The following CCDC60 variants were observed in gnomAD, a reference collection of about 807,000 sequenced individuals.
CCDC60 encodes coiled-coil domain containing 60.
CCDC60 carries 54 observed loss-of-function variants against 63.5 expected under a neutral mutation model. The observed-to-expected ratio is 0.85, with a 90% CI of 0.68 to 1.07. CCDC60 has a LOEUF of 1.07. Ranked by LOEUF, CCDC60 falls within the 50% of genes least tolerant of loss-of-function variation. The pLI, the probability that CCDC60 is intolerant of heterozygous loss-of-function variation, is 0.00. For synonymous variants in CCDC60, 206 were observed against 238.8 expected (o/e 0.86, Z 1.27); for missense variants, 651 against 684.3 (o/e 0.95, Z 0.54).
At chr12:119,359,675 C>T (rs568354588) in intron 1 of CCDC60, among the ~76,000 whole-genome samples, 268 of 150,378 alleles carry the variant, frequency 1.8e-3, no homozygotes, top group Middle Eastern at 6.9e-3. Context: ...GCAGAGGACC[C>T]TGCGGCCTTC....
intron 2 of CCDC60, among the ~76,000 whole-genome samples, chr12:119,449,946 A>G (rs1950601637): frequency 1.3e-5 from 2 of 152,222 alleles, no homozygotes; most frequent in South Asian, 4.1e-4. Flanking sequence ...CCAAAGAAAA[A>G]TAAATCATTA....
intron 8 of CCDC60, among the ~76,000 whole-genome samples, chr12:119,519,706 G>A (rs1183430512): frequency 3.9e-5 from 6 of 151,904 alleles, no homozygotes; most frequent in Non-Finnish European, 5.9e-5. Context: ...CAAGTGATCC[G>A]CTTGCCTTGC....
At chr12:119,349,861 C>T in intron 1 of CCDC60, among the ~76,000 whole-genome samples, 1 of 152,178 alleles carries the variant, frequency 6.6e-6, no homozygotes, top group East Asian at 1.9e-4. Flanking sequence ...TCATTACTCC[C>T]TTCAGATATT....
At chr12:119,517,734 T>C (rs369888470) in intron 8 of CCDC60, among the ~76,000 whole-genome samples, 2 of 152,270 alleles carry the variant, frequency 1.3e-5, no homozygotes, top group South Asian at 4.2e-4. Context: ...GTTTTTATTC[T>C]AAGAGCAGCG....
chr12:119,539,742 C>A (rs1263507632), intron 13 of CCDC60, among the ~76,000 whole-genome samples: 3 of 152,212 alleles, frequency 2.0e-5, no homozygotes, highest in African/African-American at 7.2e-5. Context: ...GAAAAAAACT[C>A]CTGCAGCTAG....
chr12:119,528,524 A>G, intron 11 of CCDC60, 91 bp from the exon 12 acceptor site: 1 of 1,376,578 alleles, frequency 7.3e-7, no homozygotes, highest in Non-Finnish European at 9.9e-7. Flanking sequence ...ATGAAGGAAA[A>G]GGTGTTTAAG....
chr12:119,478,725 A>G (rs561589879), intron 3 of CCDC60, among the ~76,000 whole-genome samples: 1 of 149,632 alleles, frequency 6.7e-6, no homozygotes, highest in African/African-American at 2.5e-5. Context: ...CTCCTGCCTC[A>G]GCCTCCCGAG....
intron 2 of CCDC60, among the ~76,000 whole-genome samples, chr12:119,458,350 T>C (rs12366488): frequency 0.14 from 21,376 of 152,232 alleles, 1,646 homozygotes; most frequent in East Asian, 0.3. Flanking sequence ...TATAGCCCCA[T>C]ATTTCTTGTA....
At chr12:119,514,119 T>G (rs960763615) in intron 7 of CCDC60, among the ~76,000 whole-genome samples, 1 of 152,146 alleles carries the variant, frequency 6.6e-6, no homozygotes, top group African/African-American at 2.4e-5. Flanking sequence ...TTGATAATCC[T>G]GACCCTGTGT....
chr12:119,443,732 T>C (rs1370858254), intron 2 of CCDC60, among the ~76,000 whole-genome samples: 1 of 152,226 alleles, frequency 6.6e-6, no homozygotes, highest in East Asian at 1.9e-4. Flanking sequence ...CTACCTGATT[T>C]AATGTATTCA....
At chr12:119,351,687 T>C (rs541492260) in intron 1 of CCDC60, among the ~76,000 whole-genome samples, 1 of 152,362 alleles carries the variant, frequency 6.6e-6, no homozygotes, top group East Asian at 1.9e-4. Context: ...TGCTAAAGCA[T>C]AGCAAGAGTG....
At chr12:119,460,239 T>C (rs1950831702) in intron 2 of CCDC60, among the ~76,000 whole-genome samples, 1 of 152,236 alleles carries the variant, frequency 6.6e-6, no homozygotes, top group Non-Finnish European at 1.5e-5. Flanking sequence ...AATTGCTAGA[T>C]ACTTCTCAGA....
intron 1 of CCDC60, among the ~76,000 whole-genome samples, chr12:119,384,052 C>T (rs976134490): frequency 2.0e-5 from 3 of 151,996 alleles, no homozygotes; most frequent in African/African-American, 7.3e-5. Flanking sequence ...AAAAATTAGC[C>T]GGGCGTGGTG....
intron 1 of CCDC60, among the ~76,000 whole-genome samples, chr12:119,395,077 T>G (rs1409810679): frequency 6.6e-6 from 1 of 152,212 alleles, no homozygotes; most frequent in Non-Finnish European, 1.5e-5. Context: ...AGGTATAATG[T>G]GTTTCCAGGA....
chr12:119,467,434 A>C (rs568723457), intron 2 of CCDC60, among the ~76,000 whole-genome samples: 1 of 152,344 alleles, frequency 6.6e-6, no homozygotes, highest in African/African-American at 2.4e-5. Context: ...GGAGGTGATT[A>C]GCCTCCACCT....
At chr12:119,414,070 G>A (rs1376042430) in intron 1 of CCDC60, among the ~76,000 whole-genome samples, 1 of 151,980 alleles carries the variant, frequency 6.6e-6, no homozygotes, top group Admixed American at 6.6e-5. Flanking sequence ...CCAGGCTGGA[G>A]TGCAGTGGTG....
chr12:119,526,782 G>A (rs1197704363), intron 11 of CCDC60, among the ~76,000 whole-genome samples: 1 of 152,200 alleles, frequency 6.6e-6, no homozygotes. Flanking sequence ...TGAGGTCATG[G>A]AGAAAAAGGA....
intron 2 of CCDC60, among the ~76,000 whole-genome samples, chr12:119,451,866 T>A (rs1163947579): frequency 6.6e-6 from 1 of 152,126 alleles, no homozygotes; most frequent in Non-Finnish European, 1.5e-5. Flanking sequence ...TCATGAGAAA[T>A]GTTGCCTGAA....
chr12:119,523,703 T>C lies in CCDC60; in HGVS notation c.1114T>C (p.Cys372Arg), dbSNP rs1399501193. Residue 372 changes from cysteine to arginine, a missense_variant, in exon 11 of 14, where the codon TGT (cysteine) becomes CGT (arginine). Cys to Arg is a radical substitution (Grantham distance 180). Transcript: ENST00000327554. The stretch of plus-strand genomic sequence containing the variant: ...TATCTGTGTCCACAGCCGCACTAAT[T>C]GTGACATCAACATCCACTACAAGAG... ...VQKKSKNRTN[C>R]DINIHYKSGV... The C allele has an allele frequency of 6.2e-7, 1 of 1,614,014 alleles. No homozygotes were observed. The highest frequency in any genetic ancestry group is 8.5e-7 in the Non-Finnish European group (1 of 1,179,990).
Sources: gnomAD v4.1 joint callset for allele counts (sites outside exome capture counted in the v4.1 genomes callset) on GRCh38, gnomAD v4.1.1 for gene constraint, MANE v1.5 for transcripts, NCBI Gene and HGNC (gene_info 2026-07-23, HGNC 2026-07-21) for gene names.